Variants in BICD1 observed in about 807,000 individuals in gnomAD.
BICD1 encodes the protein BICD cargo adaptor 1, also known as protein bicaudal D homolog 1.
Under a neutral mutation model 92.5 loss-of-function variants are expected in BICD1, and 35 were observed. That is an observed-to-expected ratio of 0.38 (90% CI 0.29 to 0.50). The LOEUF (loss-of-function observed/expected upper bound fraction) is 0.50. BICD1 is among the 20% of genes least tolerant of loss of function. The pLI is 0.93. For synonymous variants in BICD1, 429 were observed against 465.1 expected (o/e 0.92, Z 1.00); for missense variants, 950 against 1,189.8 (o/e 0.80, Z 2.97).
intron 1 of BICD1, among the ~76,000 whole-genome samples, chr12:32,201,203 G>C (rs1483182613): frequency 1.3e-5 from 2 of 152,140 alleles, no homozygotes; most frequent in Non-Finnish European, 2.9e-5. Context: ...CCTTCTCTGA[G>C]CTTCCAGCTA....
At chr12:32,247,800 G>A (rs1946428439) in intron 2 of BICD1, among the ~76,000 whole-genome samples, 1 of 142,498 alleles carries the variant, frequency 7.0e-6, no homozygotes, top group East Asian at 2.2e-4. Context: ...CAAAAAAAAA[G>A]AAGACTGAGT....
In BICD1 at chr12:32,337,613, C is replaced by T. The variant is rs201608381; in HGVS notation, c.2367C>T (p.Ala789=). The T allele has an allele frequency of 1.2e-6, 2 of 1,614,142 alleles. No individual in the cohort carries two copies. The highest frequency in any genetic ancestry group is 2.7e-5 in the African/African-American group (2 of 75,016). The change falls in exon 7 of 10, where the codon GCC becomes GCT. Residue 789 remains alanine, a synonymous_variant. Coordinates refer to ENST00000652176, the MANE Select transcript of BICD1 (RefSeq NM_001714.4). This position sits in a 1 kb window ranked among gnomAD's most constrained non-coding sequence, Gnocchi z 4.7. ...LLRMAIQQKL[A]LTQRLEDLEF... ...GAATGGCTATCCAGCAAAAACTCGC[C>T]CTGACCCAGAGGCTGGAGGACTTAG...
intron 8 of BICD1, among the ~76,000 whole-genome samples, chr12:32,355,353 G>A (rs575551151): frequency 7.6e-4 from 116 of 152,164 alleles, no homozygotes; most frequent in African/African-American, 2.8e-3. Context: ...TTTTTTTAAG[G>A]GAGGTGGTTT....
intron 1 of BICD1, among the ~76,000 whole-genome samples, chr12:32,195,617 A>G (rs1944704437): frequency 6.6e-6 from 1 of 152,246 alleles, no homozygotes; most frequent in Non-Finnish European, 1.5e-5. Context: ...TACAACATAT[A>G]CAACAATTCA....
chr12:32,138,514 TATTTTTTGACTTTATA>T (rs529282120), intron 1 of BICD1, among the ~76,000 whole-genome samples: 7 of 152,330 alleles, frequency 4.6e-5, no homozygotes, highest in East Asian at 1.9e-4. Context: ...ACTTTATAAT[TATTTTTTGACTTTATA>T]ATTTTTTGAC....
At chr12:32,332,056 A>C (rs561353395) in intron 5 of BICD1, among the ~76,000 whole-genome samples, 54 of 152,306 alleles carry the variant, frequency 3.5e-4, no homozygotes, top group African/African-American at 1.2e-3. Context: ...AAAGAATGAG[A>C]TCATGTCATT....
At chr12:32,267,175 CTA>C (rs1592583922) in intron 2 of BICD1, among the ~76,000 whole-genome samples, 1 of 152,242 alleles carries the variant, frequency 6.6e-6, no homozygotes, top group African/African-American at 2.4e-5. Flanking sequence ...CCTGATACTA[CTA>C]TGTGTCTATC....
intron 2 of BICD1, among the ~76,000 whole-genome samples, chr12:32,265,778 G>A (rs906362927): frequency 1.3e-5 from 2 of 151,260 alleles, no homozygotes; most frequent in African/African-American, 4.8e-5. Context: ...CTGTGTTGAA[G>A]AGCTTCTGCT....
intron 8 of BICD1, chr12:32,353,405 C>T (rs1938968183): frequency 6.6e-6 from 1 of 151,768 alleles, no homozygotes; most frequent in South Asian, 2.1e-4. Flanking sequence ...AATTGTTTCT[C>T]CCACCAGAAA....
intron 5 of BICD1, among the ~76,000 whole-genome samples, chr12:32,334,163 A>AT (rs869056593): frequency 2.0e-5 from 3 of 151,926 alleles, no homozygotes; most frequent in African/African-American, 4.8e-5. Flanking sequence ...TGGTAAAAAA[A>AT]TTTTTTTTGT....
At position 32,107,328 on chromosome 12, in the gene BICD1, G is replaced by T; in HGVS notation, c.-4G>T. The T allele has an allele frequency of 6.3e-7, 1 of 1,596,302 alleles. No individual in the cohort carries two copies. Among genetic ancestry groups the T allele is most frequent in the Non-Finnish European group, 8.5e-7 (1 of 1,171,818 alleles). ...ACCCCCTCCTGCCTCCATCCACCGG[G>T]GCTATGGCCGCAGAAGAGGTATTGC... On this transcript the variant is annotated 5_prime_UTR_variant, in exon 1 of 10. Coordinates refer to ENST00000652176, the MANE Select transcript of BICD1 (RefSeq NM_001714.4).
At chr12:32,346,390 G>C (rs1284401121) in intron 8 of BICD1, among the ~76,000 whole-genome samples, 4 of 149,340 alleles carry the variant, frequency 2.7e-5, no homozygotes, top group Admixed American at 6.7e-5. Flanking sequence ...GGTGGTGCAT[G>C]CCTGTAGTTC....
Position 32,209,823 on chromosome 12 carries a change from C to T in BICD1, c.214-6424C>T, listed in dbSNP as rs765481274. ...CTTTCTATATGAGGTTCCCACCGAA[C>T]GCATCTGGGTTGCCCTCTATCCCTG... On this transcript the variant is annotated intron_variant, in intron 1 of 9. Transcript: ENST00000652176. Among the ~76,000 whole-genome samples, 7 of 152,318 alleles carry T rather than the reference C, an allele frequency of 4.6e-5. No homozygotes were observed. In the Middle Eastern group the frequency reaches 0.01, roughly 222 times the overall value.
intron 1 of BICD1, among the ~76,000 whole-genome samples, chr12:32,125,017 C>T (rs1450500642): frequency 6.6e-6 from 1 of 152,168 alleles, no homozygotes; most frequent in African/African-American, 2.4e-5. Flanking sequence ...CTCCCATGCC[C>T]TCCTTTGTAT....
chr12:32,112,837 TAAG>T (rs1286286031), intron 1 of BICD1, among the ~76,000 whole-genome samples: 1 of 152,138 alleles, frequency 6.6e-6, no homozygotes, highest in Non-Finnish European at 1.5e-5. Context: ...TTTTTACTGA[TAAG>T]AAGATAATAA....
At chr12:32,257,649 A>G (rs189311714) in intron 2 of BICD1, among the ~76,000 whole-genome samples, 1 of 152,328 alleles carries the variant, frequency 6.6e-6, no homozygotes, top group Non-Finnish European at 1.5e-5. Context: ...TGAACCCTAG[A>G]AAGGCTTGCA....
intron 1 of BICD1, among the ~76,000 whole-genome samples, chr12:32,202,122 C>T (rs557455454): frequency 2.6e-5 from 4 of 152,252 alleles, no homozygotes; most frequent in Admixed American, 2.6e-4. Flanking sequence ...TATCACTGTG[C>T]CAACAAAAAG....
chr12:32,191,875 T>C (rs544854050), intron 1 of BICD1, among the ~76,000 whole-genome samples: 19 of 152,028 alleles, frequency 1.2e-4, no homozygotes, highest in Admixed American at 3.9e-4. Context: ...GACTGGCCTT[T>C]CCCTCTCATT....
rs192878795 is a variant in BICD1, at chr12:32,288,986, G to T, written c.427-5008G>T. 4.5e-3 allele frequency among the ~76,000 whole-genome samples: 680 copies of T among 152,310 alleles called. 5 individuals are homozygous for T. Among genetic ancestry groups the T allele is most frequent in the African/African-American group, 0.016 (652 of 41,554 alleles). Reference sequence around the variant, plus strand: ...AGGCTTCAGCACATTGTCAAAGAGGGTCAAGCACATTATGAGATTAGGAGC... The same window carrying T: ...AGGCTTCAGCACATTGTCAAAGAGGTTCAAGCACATTATGAGATTAGGAGC... On this transcript the variant is annotated intron_variant, in intron 2 of 9. Transcript: ENST00000652176.
Sources: allele counts gnomAD v4.1 joint callset (sites outside exome capture counted in the v4.1 genomes callset), GRCh38; gene constraint gnomAD v4.1.1; non-coding constraint Gnocchi (gnomAD v3.1); transcripts MANE v1.5; gene names NCBI Gene and HGNC (gene_info 2026-07-23, HGNC 2026-07-21).